The following HIVEP3 variants were observed in gnomAD, a reference collection of about 807,000 sequenced individuals.
The protein encoded by HIVEP3 is transcription factor HIVEP3.
Under a neutral mutation model 152.8 loss-of-function variants are expected in HIVEP3, and 49 were observed. That is an observed-to-expected ratio of 0.32 (90% CI 0.26 to 0.41). The LOEUF is 0.41. HIVEP3 is among the 10% of genes least tolerant of loss of function. HIVEP3 has a pLI of 1.00. For missense variants in HIVEP3, 2,790 were observed against 3,103.3 expected (o/e 0.90, Z 2.40); for synonymous variants, 1,269 against 1,289.0 (o/e 0.98, Z 0.33).
chr1:41,655,582 CAAAAAAAAA>C (rs55918119), intron 2 of HIVEP3, among the ~76,000 whole-genome samples: 5 of 57,436 alleles, frequency 8.7e-5, no homozygotes, highest in African/African-American at 2.7e-4. Flanking sequence ...CACTCCATCT[CAAAAAAAAA>C]AAAAAAAAAA....
At chr1:41,806,688 C>G (rs1210731459) in intron 1 of HIVEP3, among the ~76,000 whole-genome samples, 1 of 152,206 alleles carries the variant, frequency 6.6e-6, no homozygotes, top group African/African-American at 2.4e-5. Flanking sequence ...TGTGCTTCCC[C>G]TCTGTGGCAC....
chr1:41,923,992 A>G (rs1033161800), intron 1 of HIVEP3, among the ~76,000 whole-genome samples: 30 of 152,078 alleles, frequency 2.0e-4, no homozygotes, highest in Non-Finnish European at 2.5e-4. Flanking sequence ...GCCCCCAAAG[A>G]TATCTACCCC....
chr1:41,991,900 C>T (rs1305323265), intron 1 of HIVEP3, among the ~76,000 whole-genome samples: 1 of 127,200 alleles, frequency 7.9e-6, no homozygotes, highest in African/African-American at 3.3e-5. Context: ...ACAAAAACCA[C>T]ATGATTATCT....
At chr1:41,973,941 G>A (rs763568031) in intron 1 of HIVEP3, among the ~76,000 whole-genome samples, 106 of 152,378 alleles carry the variant, frequency 7.0e-4, no homozygotes, top group Admixed American at 1.0e-3. Flanking sequence ...AGGGAATTCA[G>A]TGGAGGGATG....
At position 41,583,034 on chromosome 1, in the gene HIVEP3, C is replaced by A; in HGVS notation, c.1764G>T (p.Lys588Asn). Reference sequence around the variant, plus strand: ...AAGGTAATTCGATTGCCGGCTGGCGCTTCAGCATCCGGGGGTGGGAGGTAA... The same window carrying A: ...AAGGTAATTCGATTGCCGGCTGGCGATTCAGCATCCGGGGGTGGGAGGTAA... ...HVFTSHPRMLKRQPAIELPLG... is the reference protein window; with the variant it reads ...HVFTSHPRMLNRQPAIELPLG... Residue 588 changes from lysine to asparagine, a missense_variant, in exon 4 of 9, where the codon AAG becomes AAT. Transcript: ENST00000372583. This position sits in a 1 kb window ranked among gnomAD's most constrained non-coding sequence, Gnocchi z 6.9. 1 of 1,614,068 alleles carries A rather than the reference C, an allele frequency of 6.2e-7. No homozygotes were observed. The highest frequency in any genetic ancestry group is 8.5e-7 in the Non-Finnish European group (1 of 1,180,032).
chr1:41,796,759 T>A (rs1257827567), intron 1 of HIVEP3, among the ~76,000 whole-genome samples: 1 of 152,254 alleles, frequency 6.6e-6, no homozygotes, highest in Non-Finnish European at 1.5e-5. Flanking sequence ...ACAATTAGAT[T>A]TTTTAAAAAA....
At chr1:41,694,398 T>G (rs2124115215) in intron 2 of HIVEP3, among the ~76,000 whole-genome samples, 1 of 152,298 alleles carries the variant, frequency 6.6e-6, no homozygotes, top group South Asian at 2.1e-4. Flanking sequence ...GGCCTATTTA[T>G]ACATTTCCTA....
intron 2 of HIVEP3, among the ~76,000 whole-genome samples, chr1:41,688,558 G>C (rs1220508932): frequency 6.6e-6 from 1 of 152,192 alleles, no homozygotes; most frequent in Non-Finnish European, 1.5e-5. Context: ...CATTCTTAAA[G>C]TCACAACTCC....
intron 1 of HIVEP3, among the ~76,000 whole-genome samples, chr1:42,000,050 T>C (rs1478073008): frequency 6.6e-6 from 1 of 152,222 alleles, no homozygotes; most frequent in Non-Finnish European, 1.5e-5. Flanking sequence ...TAATTCATAA[T>C]TGAAAACTTA....
At chr1:41,991,517 AC>A (rs1645361160) in intron 1 of HIVEP3, among the ~76,000 whole-genome samples, 2 of 148,806 alleles carry the variant, frequency 1.3e-5, no homozygotes, top group Non-Finnish European at 3.0e-5. Flanking sequence ...TAGCTTACCA[AC>A]CAAAAAGAGT....
chr1:41,566,626 C>T (rs1644167666), intron 5 of HIVEP3, among the ~76,000 whole-genome samples: 1 of 152,192 alleles, frequency 6.6e-6, no homozygotes, highest in Non-Finnish European at 1.5e-5. Flanking sequence ...CCCATACCAT[C>T]AGGGTTCCAT....
intron 3 of HIVEP3, among the ~76,000 whole-genome samples, chr1:41,625,316 T>C (rs961824748): frequency 6.6e-6 from 1 of 152,308 alleles, no homozygotes; most frequent in African/African-American, 2.4e-5. Context: ...AAACTTCTTC[T>C]GTAAAGGGCC....
Position 41,583,407 on chromosome 1 carries a change from T to C in HIVEP3, c.1391A>G (p.His464Arg). 1 of 1,613,926 alleles carries C rather than the reference T, an allele frequency of 6.2e-7. No homozygotes were observed. The highest frequency in any genetic ancestry group is 2.2e-5 in the East Asian group (1 of 44,842). Residue 464 changes from histidine to arginine, a missense_variant, in exon 4 of 9, where the codon CAC becomes CGC. By Grantham distance (29) the His-to-Arg change is conservative. Coordinates refer to ENST00000372583, the MANE Select transcript of HIVEP3 (RefSeq NM_024503.5). This position sits in a 1 kb window ranked among gnomAD's most constrained non-coding sequence, Gnocchi z 6.9. ...GTTGATGGTGATGAGCTTCGTGATG[T>C]GCTCGATCACCTGCGTCCGGGGTAC... ...LSVPRTQVIE[H>R]ITKLITINEA...
At position 41,518,392 on chromosome 1, in the gene HIVEP3, C is replaced by T. The variant is rs78596790; in HGVS notation, c.5470+10G>A. ...GGGGAAAGGGGACGGAGAAGGTTGG[C>T]AATTGTTACCTTCTTCGGCTTCCAG... On this transcript the variant is annotated intron_variant, in intron 7 of 8. Coordinates refer to ENST00000372583, the MANE Select transcript of HIVEP3 (RefSeq NM_024503.5). 61 of 1,611,084 alleles carry T rather than the reference C, an allele frequency of 3.8e-5. No homozygotes were observed. The African/African-American group carries it at 8.0e-4, about 21-fold the overall frequency.
chr1:41,544,666 C>CCAT (rs1643626163), intron 5 of HIVEP3, among the ~76,000 whole-genome samples: 1 of 140,640 alleles, frequency 7.1e-6, no homozygotes, highest in South Asian at 2.5e-4. Flanking sequence ...ACCACTACTA[C>CCAT]CACCACCACC....
intron 1 of HIVEP3, among the ~76,000 whole-genome samples, chr1:42,022,480 T>C (rs1308459189): frequency 1.3e-5 from 2 of 152,232 alleles, no homozygotes; most frequent in African/African-American, 2.4e-5. Flanking sequence ...TGTATGGCTA[T>C]AGCATAAATA....
At chr1:41,776,948 G>C (rs1312109779) in intron 1 of HIVEP3, among the ~76,000 whole-genome samples, 1 of 152,218 alleles carries the variant, frequency 6.6e-6, no homozygotes, top group Admixed American at 6.5e-5. Flanking sequence ...GGAGGGACCA[G>C]GGAGGAGAGG....
At position 41,582,926 on chromosome 1, in the gene HIVEP3, C is replaced by T. The variant is rs779803485; in HGVS notation, c.1872G>A (p.Lys624=). ...TGGTCTTTTTGGTAAGCTCGCTTTC[C>T]TTGGGTTCCACTTCGTCCGAGGGCT... ...ASKPSDEVEP[K]ESELTKKTKK... The change falls in exon 4 of 9, where the codon AAG becomes AAA. Residue 624 remains lysine (K), a synonymous_variant. Transcript: ENST00000372583. This position sits in a 1 kb window ranked among gnomAD's most constrained non-coding sequence, Gnocchi z 4.7. 4 of 1,614,052 alleles carry T rather than the reference C, an allele frequency of 2.5e-6. No homozygotes were observed. In the Admixed American group the frequency reaches 6.7e-5, roughly 27 times the overall value.
At chr1:42,010,376 T>C (rs554596261) in intron 1 of HIVEP3, among the ~76,000 whole-genome samples, 1 of 152,328 alleles carries the variant, frequency 6.6e-6, no homozygotes, top group South Asian at 2.1e-4. Flanking sequence ...TTATATTTGT[T>C]GCTGAAGGAC....
Sources: allele counts gnomAD v4.1 joint callset (sites outside exome capture counted in the v4.1 genomes callset), GRCh38; gene constraint gnomAD v4.1.1; non-coding constraint Gnocchi (gnomAD v3.1); transcripts MANE v1.5; gene names NCBI Gene and HGNC (gene_info 2026-07-23, HGNC 2026-07-21).